The following ANKRD6 variants were observed in gnomAD, a reference collection of about 807,000 sequenced individuals.
ANKRD6 encodes the protein ankyrin repeat domain-containing protein 6.
Under a neutral mutation model 82.3 loss-of-function variants are expected in ANKRD6, and 56 were observed. The observed-to-expected ratio is 0.68, with a 90% CI of 0.55 to 0.85. ANKRD6 has a LOEUF of 0.85. Among genes scored for constraint, ANKRD6 ranks in the 40% least tolerant of loss-of-function variants. The pLI, the probability that ANKRD6 is intolerant of heterozygous loss-of-function variation, is 0.00. For missense variants in ANKRD6, 852 were observed against 907.6 expected, an observed-to-expected ratio of 0.94 and a Z score of 0.79; for synonymous variants, 347 against 352.1, an observed-to-expected ratio of 0.99 and a Z score of 0.16.
intron 1 of ANKRD6, among the ~76,000 whole-genome samples, chr6:89,441,718 C>T (rs1388623195): frequency 1.3e-5 from 2 of 149,286 alleles, no homozygotes; most frequent in Non-Finnish European, 1.5e-5. Context: ...CTGCAACCTC[C>T]GCCTCCTGGG....
intron 1 of ANKRD6, among the ~76,000 whole-genome samples, chr6:89,494,156 GA>G (rs1170530705): frequency 2.7e-5 from 4 of 148,656 alleles, no homozygotes; most frequent in East Asian, 2.0e-4. Context: ...TCTCTACCAA[GA>G]AAAAAAAAAT....
intron 1 of ANKRD6, among the ~76,000 whole-genome samples, chr6:89,503,779 C>A (rs77299026): frequency 0.02 from 3,057 of 152,234 alleles, 108 homozygotes; most frequent in African/African-American, 0.068. Flanking sequence ...CACTTGTAGG[C>A]CCTAAGGGAG....
chr6:89,606,060 C>A lies in ANKRD6; in HGVS notation c.372C>A (p.Ala124=). Reference sequence around the variant, plus strand: ...CCTGGCATGGTTTCAGCCAGTCAGCCAAGCTGCTCATTAAAGCAGGAGCCA... The same window carrying A: ...CCTGGCATGGTTTCAGCCAGTCAGCAAAGCTGCTCATTAAAGCAGGAGCCA... ...EASWHGFSQS[A]KLLIKAGANV... Residue 124 remains alanine (A), a synonymous_variant, in exon 5 of 16, where the codon GCC becomes GCA. Transcript: ENST00000339746. 6.3e-7 allele frequency: 1 copy of A among 1,594,200 alleles called. No individual in the cohort carries two copies. Among genetic ancestry groups the A allele is most frequent in the Non-Finnish European group, 8.5e-7 (1 of 1,170,118 alleles).
chr6:89,606,051 C>T lies in ANKRD6; in HGVS notation c.363C>T (p.Ser121=). ...ALHEASWHGF[S]QSAKLLIKAG... ...ATGAAGCATCCTGGCATGGTTTCAG[C>T]CAGTCAGCCAAGCTGCTCATTAAAG... The change falls in exon 5 of 16, where the codon AGC becomes AGT. Residue 121 remains serine, a synonymous_variant. Coordinates refer to ENST00000339746, the MANE Select transcript of ANKRD6 (RefSeq NM_001242809.2). 1 of 1,595,166 alleles carries T rather than the reference C, an allele frequency of 6.3e-7. No homozygotes were observed. Among genetic ancestry groups the T allele is most frequent in the Non-Finnish European group, 8.5e-7 (1 of 1,170,414 alleles).
intron 1 of ANKRD6, among the ~76,000 whole-genome samples, chr6:89,513,288 A>G (rs776089359): frequency 6.6e-6 from 1 of 152,192 alleles, no homozygotes; most frequent in Non-Finnish European, 1.5e-5. Context: ...AGATTGATGA[A>G]TTTTCACAAA....
chr6:89,523,505 GTT>G (rs532766396), intron 1 of ANKRD6, among the ~76,000 whole-genome samples: 229 of 152,328 alleles, frequency 1.5e-3, no homozygotes, highest in Admixed American at 4.7e-3. Context: ...GAAGAGGGCA[GTT>G]CTTTATGTGT....
chr6:89,541,620 C>A (rs1385769134), intron 1 of ANKRD6, among the ~76,000 whole-genome samples: 2 of 151,728 alleles, frequency 1.3e-5, no homozygotes, highest in Admixed American at 1.3e-4. Flanking sequence ...TCCTGAACTC[C>A]TGACCTTGTG....
chr6:89,535,167 C>T (rs934208250), intron 1 of ANKRD6, among the ~76,000 whole-genome samples: 2 of 152,156 alleles, frequency 1.3e-5, no homozygotes, highest in African/African-American at 2.4e-5. Context: ...ATATTTAAAA[C>T]TTCCTTTTGA....
intron 2 of ANKRD6, among the ~76,000 whole-genome samples, chr6:89,577,888 T>G (rs1791497281): frequency 6.6e-6 from 1 of 152,234 alleles, no homozygotes; most frequent in South Asian, 2.1e-4. Context: ...CAAAAGGAAG[T>G]AGACAAAGGT....
intron 2 of ANKRD6, among the ~76,000 whole-genome samples, chr6:89,581,917 C>G (rs916096108): frequency 6.6e-6 from 1 of 152,192 alleles, no homozygotes; most frequent in Non-Finnish European, 1.5e-5. Context: ...TTCACTGAAA[C>G]AAACAGGGCA....
At chr6:89,542,538 T>C (rs1233803093) in intron 1 of ANKRD6, among the ~76,000 whole-genome samples, 1 of 152,178 alleles carries the variant, frequency 6.6e-6, no homozygotes, top group South Asian at 2.1e-4. Context: ...GAGGCATAGA[T>C]AGTATACAAA....
At chr6:89,550,754 G>A (rs751528029) in intron 1 of ANKRD6, among the ~76,000 whole-genome samples, 2 of 152,046 alleles carry the variant, frequency 1.3e-5, no homozygotes, top group African/African-American at 4.8e-5. Flanking sequence ...TCAGGAGTTC[G>A]AGACCAGCCC....
intron 1 of ANKRD6, among the ~76,000 whole-genome samples, chr6:89,475,410 ACAAT>A (rs976951564): frequency 3.3e-5 from 5 of 152,216 alleles, no homozygotes; most frequent in African/African-American, 1.2e-4. Flanking sequence ...TAAACAGAAA[ACAAT>A]CTAAAACCTG....
intron 1 of ANKRD6, among the ~76,000 whole-genome samples, chr6:89,449,155 T>C (rs956431471): frequency 2.0e-5 from 3 of 152,182 alleles, no homozygotes; most frequent in Non-Finnish European, 2.9e-5. Flanking sequence ...CCTTTGTAGA[T>C]GCCATTAAGA....
intron 1 of ANKRD6, among the ~76,000 whole-genome samples, chr6:89,466,195 C>T (rs2127779649): frequency 6.6e-6 from 1 of 152,298 alleles, no homozygotes; most frequent in African/African-American, 2.4e-5. Context: ...CATAGAGCTA[C>T]ACTGAGTAGA....
At position 89,587,257 on chromosome 6, in the gene ANKRD6, G is replaced by A. The variant is rs1282604062; in HGVS notation, c.121-8659G>A. Among the ~76,000 whole-genome samples, 8 of 151,142 alleles carry A rather than the reference G, an allele frequency of 5.3e-5. No homozygotes were observed. The East Asian group carries it at 9.7e-4, about 18-fold the overall frequency. On this transcript the variant is annotated intron_variant, in intron 2 of 15. Coordinates refer to ENST00000339746, the MANE Select transcript of ANKRD6 (RefSeq NM_001242809.2). ...TGTAATCCCAACACTTCGGGAGGCC[G>A]AGGCAGGCAGATCATGAGGTCAAGA... is the stretch of plus-strand genomic sequence containing the variant.
intron 1 of ANKRD6, among the ~76,000 whole-genome samples, chr6:89,462,233 A>AAATAATAATAATAAT (rs200608840): frequency 6.0e-4 from 64 of 106,032 alleles, no homozygotes; most frequent in African/African-American, 2.0e-3. Flanking sequence ...CTCCATCTCA[A>AAATAATAATAATAAT]AATAATAATA....
chr6:89,566,453 C>G (rs1309181063), intron 1 of ANKRD6, among the ~76,000 whole-genome samples: 2 of 152,226 alleles, frequency 1.3e-5, no homozygotes, highest in Non-Finnish European at 2.9e-5. Flanking sequence ...AAAATCCAAC[C>G]AGGGGGCCTT....
chr6:89,494,434 C>G (rs7451687), intron 1 of ANKRD6, among the ~76,000 whole-genome samples: 51,564 of 151,918 alleles, frequency 0.34, 9,019 homozygotes, highest in African/African-American at 0.37. Context: ...AGGATGGGGA[C>G]TAATACTGAA....
Sources: allele counts gnomAD v4.1 joint callset (sites outside exome capture counted in the v4.1 genomes callset), GRCh38; gene constraint gnomAD v4.1.1; transcripts MANE v1.5; gene names NCBI Gene and HGNC (gene_info 2026-07-23, HGNC 2026-07-21).